Variants in C12orf56 observed in about 807,000 individuals in gnomAD.
C12orf56 encodes chromosome 12 open reading frame 56, also known as uncharacterized protein C12orf56.
Under a neutral mutation model 69.9 loss-of-function variants are expected in C12orf56, and 71 were observed. That is an observed-to-expected ratio of 1.02 (90% CI 0.84 to 1.24). C12orf56 has a LOEUF of 1.24. Among genes scored for constraint, C12orf56 ranks in the 50% most tolerant of loss-of-function variants. The pLI, the probability that C12orf56 is intolerant of heterozygous loss-of-function variation, is 0.00. For synonymous variants in C12orf56, 276 were observed against 274.1 expected, an observed-to-expected ratio of 1.01 and a Z score of -0.07; for missense variants, 732 against 738.5, an observed-to-expected ratio of 0.99 and a Z score of 0.10.
At chr12:64,346,026 A>C (rs1411129138) in intron 2 of C12orf56, among the ~76,000 whole-genome samples, 1 of 152,008 alleles carries the variant, frequency 6.6e-6, no homozygotes, top group Non-Finnish European at 1.5e-5. Context: ...CAATGAAAGA[A>C]CTCCATCCTT....
At chr12:64,298,939 G>A (rs2038406454) in intron 6 of C12orf56, among the ~76,000 whole-genome samples, 1 of 152,184 alleles carries the variant, frequency 6.6e-6, no homozygotes, top group Admixed American at 6.5e-5. Flanking sequence ...GTAGCTTGAT[G>A]GGGATAGCAT....
Position 64,266,996 on chromosome 12 carries a change from A to G in C12orf56, c.*187T>C. ...ATCTTTGCACACTTATAATAAATCA[A>G]ATTTATTTTTTAAAATTTTAAACTT... On this transcript the variant is annotated 3_prime_UTR_variant, in exon 13 of 13. Transcript: ENST00000543942. 1.9e-6 allele frequency: 1 copy of G among 519,478 alleles called. No homozygotes were observed. The highest frequency in any genetic ancestry group is 3.3e-6 in the Non-Finnish European group (1 of 302,984). 32.2% of individuals were successfully genotyped at this position (519,478 alleles called of 1,614,324 possible). A position where few individuals can be genotyped will look rare whatever the true frequency, so the allele number is the denominator to read the frequency against.
At chr12:64,364,693 A>T (rs1264860346) in intron 1 of C12orf56, among the ~76,000 whole-genome samples, 36 of 152,010 alleles carry the variant, frequency 2.4e-4, no homozygotes, top group Non-Finnish European at 5.9e-5. Flanking sequence ...CCCTTTACTA[A>T]CTTTAATCTG....
At chr12:64,386,841 C>A (rs1039823593) in intron 1 of C12orf56, among the ~76,000 whole-genome samples, 1 of 136,974 alleles carries the variant, frequency 7.3e-6, no homozygotes, top group Admixed American at 7.4e-5. Context: ...ATAAACACAT[C>A]TTTAAAAGTG....
chr12:64,368,121 A>G (rs1421257317), intron 1 of C12orf56, among the ~76,000 whole-genome samples: 1 of 151,738 alleles, frequency 6.6e-6, no homozygotes, highest in Non-Finnish European at 1.5e-5. Flanking sequence ...TTTTTTTGAG[A>G]CCAGGTCTTG....
chr12:64,279,374 A>G (rs1195991340), intron 8 of C12orf56, among the ~76,000 whole-genome samples: 2 of 152,214 alleles, frequency 1.3e-5, no homozygotes, highest in African/African-American at 4.8e-5. Context: ...GGGTAGTATA[A>G]CCCCTGTATG....
At chr12:64,319,419 CG>C (rs1220400108) in intron 3 of C12orf56, among the ~76,000 whole-genome samples, 3 of 151,990 alleles carry the variant, frequency 2.0e-5, no homozygotes, top group African/African-American at 7.3e-5. Flanking sequence ...TGTTTGAGAC[CG>C]GGTCTCACTC....
intron 2 of C12orf56, among the ~76,000 whole-genome samples, chr12:64,348,373 C>T (rs1405841350): frequency 6.6e-6 from 1 of 152,144 alleles, no homozygotes; most frequent in East Asian, 1.9e-4. Context: ...CACTAATCTG[C>T]TCTTCAGCAA....
intron 2 of C12orf56, among the ~76,000 whole-genome samples, chr12:64,339,445 G>A (rs1016608392): frequency 1.2e-4 from 18 of 152,294 alleles, no homozygotes; most frequent in South Asian, 2.1e-4. Context: ...TATCAGGGGA[G>A]GGGTGCAAAG....
chr12:64,284,775 G>T, intron 7 of C12orf56, 22 bp from the exon 8 acceptor site: 2 of 1,517,606 alleles, frequency 1.3e-6, no homozygotes, highest in South Asian at 1.3e-5. Context: ...ACGATAAAAG[G>T]CAAAGAAATG....
chr12:64,350,146 A>G (rs917433287), intron 2 of C12orf56, among the ~76,000 whole-genome samples: 4 of 151,630 alleles, frequency 2.6e-5, no homozygotes, highest in Middle Eastern at 3.2e-3. Flanking sequence ...CTTAGGGGGA[A>G]GGGTAGGAGG....
At chr12:64,352,806 A>C in intron 2 of C12orf56, 88 bp downstream of exon 2, 16 of 1,245,310 alleles carry the variant, frequency 1.3e-5, no homozygotes, top group Non-Finnish European at 1.6e-5. Flanking sequence ...CTGAACTAAG[A>C]AGCAAAATAT....
chr12:64,271,229 G>C (rs558563014), intron 11 of C12orf56, among the ~76,000 whole-genome samples: 2 of 152,198 alleles, frequency 1.3e-5, no homozygotes, highest in South Asian at 2.1e-4. Flanking sequence ...ACTTTGGGAG[G>C]CTGAGGCGGG....
In C12orf56 at chr12:64,335,823, A is replaced by G. The variant is rs908840202; in HGVS notation, c.416-4791T>C. ...CCAATATTGAGCTTGCTTTGTTCAG[A>G]TGACCGAGTTGATTGGACCATGGGC... On this transcript the variant is annotated intron_variant, in intron 2 of 12. Coordinates refer to ENST00000543942, the MANE Select transcript of C12orf56 (RefSeq NM_001170633.2). 5.3e-5 allele frequency among the ~76,000 whole-genome samples: 8 copies of G among 152,284 alleles called. No homozygotes were observed. In the East Asian group the frequency reaches 1.5e-3, roughly 29 times the overall value.
At chr12:64,332,590 G>A (rs537865667) in intron 2 of C12orf56, among the ~76,000 whole-genome samples, 7 of 150,520 alleles carry the variant, frequency 4.7e-5, no homozygotes, top group Admixed American at 2.7e-4. Context: ...TATTTGTACA[G>A]TGTAAGACAG....
At chr12:64,365,155 G>A (rs10128803) in intron 1 of C12orf56, among the ~76,000 whole-genome samples, 130,376 of 147,504 alleles carry the variant, frequency 0.88, 57,927 homozygotes, top group Middle Eastern at 0.94. Flanking sequence ...AGCTGTTAAA[G>A]CTGTTCCTTT....
intron 4 of C12orf56, among the ~76,000 whole-genome samples, chr12:64,314,551 C>A (rs1014981948): frequency 1.4e-4 from 21 of 152,110 alleles, no homozygotes; most frequent in Non-Finnish European, 2.5e-4. Context: ...CAGTGTTCAG[C>A]AATTTCTCTA....
chr12:64,285,710 C>T (rs1317414072), intron 7 of C12orf56, among the ~76,000 whole-genome samples: 1 of 152,172 alleles, frequency 6.6e-6, no homozygotes, highest in African/African-American at 2.4e-5. Context: ...ATTGCTTGAA[C>T]CCACGAGGCA....
At chr12:64,377,977 G>T (rs1261128640) in intron 1 of C12orf56, among the ~76,000 whole-genome samples, 1 of 152,130 alleles carries the variant, frequency 6.6e-6, no homozygotes, top group African/African-American at 2.4e-5. Context: ...GGACAACCTT[G>T]GGCAAATTGC....
Sources: gnomAD v4.1 joint callset for allele counts (sites outside exome capture counted in the v4.1 genomes callset) on GRCh38, gnomAD v4.1.1 for gene constraint, MANE v1.5 for transcripts, NCBI Gene and HGNC (gene_info 2026-07-23, HGNC 2026-07-21) for gene names.